TPX2: variants seen among roughly 807,000 people sequenced by gnomAD.
TPX2 encodes the protein TPX2 microtubule nucleation factor, also known as targeting protein for Xklp2.
In TPX2, 21 loss-of-function variants were observed where a neutral mutation model predicts 93.6. That is an observed-to-expected ratio of 0.22 (90% confidence interval 0.16 to 0.32). The LOEUF (loss-of-function observed/expected upper bound fraction) is 0.32. Ranked by LOEUF, TPX2 falls within the 10% of genes least tolerant of loss-of-function variation. TPX2 has a pLI of 1.00. For synonymous variants in TPX2, 281 were observed against 298.3 expected (o/e 0.94, Z 0.60); for missense variants, 776 against 871.1 (o/e 0.89, Z 1.37).
intron 1 of TPX2, among the ~76,000 whole-genome samples, chr20:31,741,121 G>T (rs1163670851): frequency 1.3e-5 from 2 of 152,114 alleles, no homozygotes; most frequent in Non-Finnish European, 2.9e-5. Flanking sequence ...GTTACCAGGA[G>T]ATGTTCAGGG....
intron 12 of TPX2, among the ~76,000 whole-genome samples, chr20:31,784,694 T>C (rs553828972): frequency 1.2e-4 from 19 of 152,286 alleles, no homozygotes; most frequent in Admixed American, 2.0e-4. Context: ...GAAAAGTTTA[T>C]CAAGAGCCAC....
Position 31,793,872 on chromosome 20 carries a change from A to G in TPX2, c.1534A>G (p.Lys512Glu), listed in dbSNP as rs925380454. The stretch of plus-strand genomic sequence containing the variant: ...GGAAGAGGACGAACCGGTAGTGATA[A>G]AAGCTCAACCTGTGCCACATTATGG... ...DEEEDEPVVI[K>E]AQPVPHYGVP... The change falls in exon 14 of 18, where the codon AAA becomes GAA. Residue 512 changes from lysine to glutamate, a missense_variant. Coordinates refer to ENST00000300403, the MANE Select transcript of TPX2 (RefSeq NM_012112.5). 2.5e-6 allele frequency: 4 copies of G among 1,605,848 alleles called. No homozygotes were observed. The highest frequency in any genetic ancestry group is 3.4e-6 in the Non-Finnish European group (4 of 1,176,648).
At chr20:31,771,508 A>T (rs1011424409) in intron 6 of TPX2, 52 bp from the exon 7 acceptor site, 19 of 1,584,498 alleles carry the variant, frequency 1.2e-5, no homozygotes, top group Non-Finnish European at 1.5e-5. Flanking sequence ...AGGAGGGTAC[A>T]GGCTATGCTT....
intron 1 of TPX2, among the ~76,000 whole-genome samples, chr20:31,741,778 C>T (rs2061754912): frequency 6.6e-6 from 1 of 152,062 alleles, no homozygotes; most frequent in Non-Finnish European, 1.5e-5. Context: ...TGTGCCTGGC[C>T]TAATTTTTGT....
In TPX2 at chr20:31,798,513, G is replaced by A. The variant is rs374483506; in HGVS notation, c.2094G>A (p.Glu698=). ...QLEEARLQEE[E]QKKEELARLR... ...AGGAGGCCAGACTACAGGAGGAAGA[G>A]CAGAAAAAAGAGGAGCTGGCCAGGC... The change falls in exon 17 of 18, where the codon GAG becomes GAA. Residue 698 remains glutamate (E), a synonymous_variant. Transcript: ENST00000300403. The A allele has an allele frequency of 3.7e-6, 6 of 1,611,814 alleles. No homozygotes were observed. The highest frequency in any genetic ancestry group is 1.9e-4 in the Middle Eastern group (1 of 5,218).
intron 10 of TPX2, among the ~76,000 whole-genome samples, chr20:31,779,719 A>G (rs1455224630): frequency 1.3e-5 from 2 of 152,122 alleles, no homozygotes; most frequent in African/African-American, 4.8e-5. Flanking sequence ...GAGAGAGAGG[A>G]GATAACTAAT....
chr20:31,757,334 A>T, intron 2 of TPX2, 73 bp from the exon 3 acceptor site: 1 of 657,562 alleles, frequency 1.5e-6, no homozygotes, highest in South Asian at 2.0e-5. Flanking sequence ...TTGCAAAATT[A>T]CAAACGTGGT....
intron 8 of TPX2, 28 bp from the exon 9 acceptor site, chr20:31,777,459 T>C: frequency 6.2e-7 from 1 of 1,606,032 alleles, no homozygotes; most frequent in Non-Finnish European, 8.5e-7. Context: ...TAATGTTGTC[T>C]GTATGTTTTA....
At chr20:31,747,692 G>C (rs1436742934) in intron 2 of TPX2, among the ~76,000 whole-genome samples, 2 of 149,866 alleles carry the variant, frequency 1.3e-5, no homozygotes, top group East Asian at 2.0e-4. Flanking sequence ...GGTAGATTCA[G>C]ATAATTTTGA....
At chr20:31,764,389 G>A (rs1227164694) in intron 4 of TPX2, among the ~76,000 whole-genome samples, 1 of 151,936 alleles carries the variant, frequency 6.6e-6, no homozygotes, top group Non-Finnish European at 1.5e-5. Context: ...GGCTGGTTTT[G>A]AACTCCTGGG....
At chr20:31,777,760 T>C (rs554090525) in intron 9 of TPX2, 122 bp downstream of exon 9, 1 of 1,070,520 alleles carries the variant, frequency 9.3e-7, no homozygotes, top group South Asian at 2.0e-5. Context: ...GTCTATAAAG[T>C]TGTGTAAAAT....
At chr20:31,779,151 C>T (rs2062019172) in intron 10 of TPX2, among the ~76,000 whole-genome samples, 167 bp downstream of exon 10, 1 of 152,204 alleles carries the variant, frequency 6.6e-6, no homozygotes, top group African/African-American at 2.4e-5. Flanking sequence ...TCAAACCACC[C>T]AGCTGTCTGT....
chr20:31,765,702 G>A (rs2061920860), intron 4 of TPX2, among the ~76,000 whole-genome samples: 1 of 152,160 alleles, frequency 6.6e-6, no homozygotes, highest in Admixed American at 6.5e-5. Flanking sequence ...ATCAATAACT[G>A]TGATGCAGTT....
intron 5 of TPX2, among the ~76,000 whole-genome samples, chr20:31,768,757 G>A (rs2123018875): frequency 6.6e-6 from 1 of 152,232 alleles, no homozygotes; most frequent in African/African-American, 2.4e-5. Flanking sequence ...GTAAAGAATT[G>A]ACAAGCCAGT....
chr20:31,754,008 A>G (rs1307804501), intron 2 of TPX2, among the ~76,000 whole-genome samples: 1 of 152,174 alleles, frequency 6.6e-6, no homozygotes, highest in Non-Finnish European at 1.5e-5. Context: ...CCTGGGCGAC[A>G]GAGCAAGACA....
At chr20:31,797,365 G>A (rs1245953243) in intron 15 of TPX2, 39 bp from the exon 16 acceptor site, 2 of 1,583,456 alleles carry the variant, frequency 1.3e-6, no homozygotes, top group Non-Finnish European at 1.7e-6. Context: ...TCATAGAAAG[G>A]TGAGACATTG....
chr20:31,765,898 A>G (rs1176114837), intron 4 of TPX2, among the ~76,000 whole-genome samples: 1 of 152,166 alleles, frequency 6.6e-6, no homozygotes, highest in African/African-American at 2.4e-5. Context: ...AGTTATTACT[A>G]CTTTTTTGGG....
chr20:31,741,817 G>A (rs986333974), intron 1 of TPX2, among the ~76,000 whole-genome samples: 2 of 151,496 alleles, frequency 1.3e-5, no homozygotes, highest in Admixed American at 6.6e-5. Context: ...GTTTCACCAC[G>A]TTGGCCAGGC....
chr20:31,747,131 G>A (rs1364057261), intron 2 of TPX2, among the ~76,000 whole-genome samples: 1 of 151,830 alleles, frequency 6.6e-6, no homozygotes, highest in Non-Finnish European at 1.5e-5. Context: ...TTTTTTTGTT[G>A]TTGTTGTTTG....
Sources: allele counts gnomAD v4.1 joint callset (sites outside exome capture counted in the v4.1 genomes callset), GRCh38; gene constraint gnomAD v4.1.1; transcripts MANE v1.5; gene names NCBI Gene and HGNC (gene_info 2026-07-23, HGNC 2026-07-21).